Variants in SLC27A6 observed in about 807,000 individuals in gnomAD.
SLC27A6 encodes the protein long-chain fatty acid transport protein 6.
A neutral mutation model predicts 63.9 loss-of-function variants in SLC27A6; 74 were observed. That is an observed-to-expected ratio of 1.16 (90% CI 0.96 to 1.40). The LOEUF (loss-of-function observed/expected upper bound fraction) is 1.40, where lower values mean the gene tolerates loss of function less well. Among genes scored for constraint, SLC27A6 ranks in the 40% most tolerant of loss-of-function variants. SLC27A6 has a pLI of 0.00. For synonymous variants in SLC27A6, 287 were observed against 260.8 expected, an observed-to-expected ratio of 1.10 and a Z score of -0.97; for missense variants, 794 against 732.9, an observed-to-expected ratio of 1.08 and a Z score of -0.96.
At position 128,988,603 on chromosome 5, in the gene SLC27A6, T is replaced by C. The variant is rs1173827827; in HGVS notation, c.689T>C (p.Leu230Pro). 2.5e-6 allele frequency: 4 copies of C among 1,613,522 alleles called. No homozygotes were observed. The highest frequency in any genetic ancestry group is 1.7e-5 in the Admixed American group (1 of 59,904). The change falls in exon 3 of 10, where the codon CTA (leucine) becomes CCA (proline). Residue 230 changes from leucine to proline, a missense_variant. By Grantham distance (98) the Leu-to-Pro change is moderately conservative. Transcript: ENST00000262462. ...CTGTTCTTTTCTTTTCTTCCAGGTC[T>C]ACCAAAAGCAGCTGTGATTAGTCAG... is the stretch of plus-strand genomic sequence containing the variant. The part of the protein sequence containing the change: ...LYIFTSGTTG[L>P]PKAAVISQLQ...
At chr5:129,002,449 C>T (rs1448590018) in intron 4 of SLC27A6, among the ~76,000 whole-genome samples, 5 of 151,182 alleles carry the variant, frequency 3.3e-5, no homozygotes, top group Admixed American at 3.3e-4. Flanking sequence ...TCCATTGTTC[C>T]CTCTCTTGTT....
At chr5:129,017,841 A>G (rs1481579831) in intron 5 of SLC27A6, among the ~76,000 whole-genome samples, 1 of 152,178 alleles carries the variant, frequency 6.6e-6, no homozygotes, top group African/African-American at 2.4e-5. Flanking sequence ...TTCATACTCC[A>G]ACATCTTCCC....
At position 129,027,224 on chromosome 5, in the gene SLC27A6, T is replaced by G. The variant is rs1561633973; in HGVS notation, c.1347T>G (p.Leu449=). Residue 449 remains leucine (L), a synonymous_variant, in exon 7 of 10, where the codon CTT becomes CTG. Coordinates refer to ENST00000262462, the MANE Select transcript of SLC27A6 (RefSeq NM_001017372.3). ...ATAAGCACACAAAAGACAAATTGCT[T>G]TGTGATGTTTTTAAGAAGGGAGATG... The part of the protein sequence containing the change: ...GPYKHTKDKL[L]CDVFKKGDVY... 1 of 1,613,368 alleles carries G rather than the reference T, an allele frequency of 6.2e-7. No individual in the cohort carries two copies. The highest frequency in any genetic ancestry group is 1.7e-5 in the Admixed American group (1 of 59,976).
At chr5:128,978,237 G>A (rs1389822632) in intron 1 of SLC27A6, among the ~76,000 whole-genome samples, 1 of 152,102 alleles carries the variant, frequency 6.6e-6, no homozygotes, top group African/African-American at 2.4e-5. Flanking sequence ...TGTATAGCCT[G>A]AATGTGTATT....
intron 3 of SLC27A6, among the ~76,000 whole-genome samples, chr5:128,989,193 A>G (rs1354587047): frequency 6.6e-6 from 1 of 152,232 alleles, no homozygotes; most frequent in African/African-American, 2.4e-5. Flanking sequence ...TCAAGATTCC[A>G]GGGCTGGAGA....
intron 4 of SLC27A6, among the ~76,000 whole-genome samples, chr5:128,992,412 T>G (rs1440681159): frequency 6.6e-6 from 1 of 152,160 alleles, no homozygotes; most frequent in African/African-American, 2.4e-5. Context: ...GCTGGAGGCA[T>G]TTAAATAAGA....
chr5:129,009,745 G>T (rs914583426), intron 4 of SLC27A6, among the ~76,000 whole-genome samples: 4 of 151,860 alleles, frequency 2.6e-5, no homozygotes, highest in Non-Finnish European at 5.9e-5. Flanking sequence ...CGCGATCTCG[G>T]CTCACTGCAA....
rs763827020 is a variant in SLC27A6 at position 128,966,519 on chromosome 5, C to G, written c.382C>G (p.Leu128Val). The G allele has an allele frequency of 2.5e-6, 4 of 1,604,698 alleles. No individual in the cohort carries two copies. Among genetic ancestry groups the G allele is most frequent in the South Asian group, 1.1e-5 (1 of 89,152 alleles). The change falls in exon 1 of 10, where the codon CTG becomes GTG. Residue 128 changes from leucine to valine, a missense_variant. Leu to Val is a conservative substitution (Grantham distance 32, BLOSUM62 1). Transcript: ENST00000262462. Reference protein sequence around the residue: ...FVHVWFGLAKLGCVVAFLNTN... With the variant: ...FVHVWFGLAKVGCVVAFLNTN... ...TCACGTGTGGTTCGGCCTCGCCAAG[C>G]TGGGCTGCGTGGTGGCCTTTCTCAA...
chr5:128,984,373 A>T (rs1043989309), intron 1 of SLC27A6, among the ~76,000 whole-genome samples: 1 of 152,056 alleles, frequency 6.6e-6, no homozygotes, highest in Non-Finnish European at 1.5e-5. Flanking sequence ...TCTTGAACAG[A>T]TGATATTTTT....
chr5:129,016,025 C>T lies in SLC27A6; in HGVS notation c.1110C>T (p.Phe370=), dbSNP rs746756365. The T allele has an allele frequency of 1.2e-6, 2 of 1,605,916 alleles. No individual in the cohort carries two copies. The highest frequency in any genetic ancestry group is 1.7e-6 in the Non-Finnish European group (2 of 1,177,876). ...LYAATESSIS[F]MNYTGRIGAI... is the part of the protein sequence containing the mutation. The stretch of plus-strand genomic sequence containing the variant: ...CAGCTACCGAATCAAGCATATCTTT[C>T]ATGAACTACACTGGGAGAATTGGAG... Residue 370 remains phenylalanine, a synonymous_variant, in exon 5 of 10, where the codon TTC becomes TTT. Transcript: ENST00000262462.
At chr5:128,977,778 A>T (rs1457036297) in intron 1 of SLC27A6, among the ~76,000 whole-genome samples, 1 of 152,242 alleles carries the variant, frequency 6.6e-6, no homozygotes, top group Non-Finnish European at 1.5e-5. Context: ...GTACTTTAAA[A>T]TGGCAAGTAT....
At chr5:128,970,098 A>G (rs542756434) in intron 1 of SLC27A6, among the ~76,000 whole-genome samples, 2 of 148,210 alleles carry the variant, frequency 1.3e-5, no homozygotes, top group East Asian at 3.9e-4. Flanking sequence ...CAAGCCTTGC[A>G]TCCCAGGGAT....
intron 4 of SLC27A6, among the ~76,000 whole-genome samples, chr5:129,006,394 G>A (rs925251346): frequency 2.0e-5 from 3 of 150,020 alleles, no homozygotes; most frequent in Non-Finnish European, 1.5e-5. Context: ...CCAGCCACTC[G>A]TTTTTTAAAG....
chr5:129,007,136 A>G (rs943250552), intron 4 of SLC27A6, among the ~76,000 whole-genome samples: 7 of 152,200 alleles, frequency 4.6e-5, no homozygotes, highest in Non-Finnish European at 8.8e-5. Context: ...AGAGCAGAGA[A>G]TGATCCATTT....
At chr5:128,982,021 C>T (rs1307678693) in intron 1 of SLC27A6, among the ~76,000 whole-genome samples, 1 of 152,018 alleles carries the variant, frequency 6.6e-6, no homozygotes, top group Non-Finnish European at 1.5e-5. Flanking sequence ...ACCATGTTGG[C>T]CAGGCTCTTC....
chr5:128,974,290 G>GT lies in SLC27A6; in HGVS notation c.481+7678dup, dbSNP rs1157234580. 2.0e-5 allele frequency among the ~76,000 whole-genome samples: 3 copies of GT among 152,090 alleles called. No individual in the cohort carries two copies. In the South Asian group the frequency reaches 6.2e-4, roughly 32 times the overall value. Reference sequence around the variant, plus strand: ...TTTTTGTTTTTAACACCAACAGTCAGTTTTTTGTATTTAAAAAAGCCACTT... The same window carrying GT: ...TTTTTGTTTTTAACACCAACAGTCAGTTTTTTTGTATTTAAAAAAGCCACTT... On this transcript the variant is annotated intron_variant, in intron 1 of 9. Coordinates refer to ENST00000262462, the MANE Select transcript of SLC27A6 (RefSeq NM_001017372.3).
intron 1 of SLC27A6, among the ~76,000 whole-genome samples, chr5:128,983,446 C>T (rs890706402): frequency 8.6e-5 from 13 of 151,908 alleles, no homozygotes; most frequent in African/African-American, 3.1e-4. Context: ...GCACCCATCA[C>T]CATACCTGGC....
At chr5:129,017,874 C>G (rs1561630115) in intron 5 of SLC27A6, among the ~76,000 whole-genome samples, 1 of 152,120 alleles carries the variant, frequency 6.6e-6, no homozygotes, top group Non-Finnish European at 1.5e-5. Context: ...AGCTTTCCCA[C>G]TCAGGATAAT....
intron 9 of SLC27A6, among the ~76,000 whole-genome samples, chr5:129,030,805 A>C (rs1187763426): frequency 6.6e-6 from 1 of 152,048 alleles, no homozygotes; most frequent in African/African-American, 2.4e-5. Context: ...CATCTTATTA[A>C]AAATTCTGCT....
Sources: allele counts gnomAD v4.1 joint callset (sites outside exome capture counted in the v4.1 genomes callset), GRCh38; gene constraint gnomAD v4.1.1; transcripts MANE v1.5; gene names NCBI Gene and HGNC (gene_info 2026-07-23, HGNC 2026-07-21).